LAMP1: variants seen among roughly 807,000 people sequenced by gnomAD.
LAMP1 encodes the protein lysosome-associated membrane glycoprotein 1.
LAMP1 carries 7 observed loss-of-function variants against 37.5 expected under a neutral mutation model. The observed-to-expected ratio is 0.19, with a 90% CI of 0.11 to 0.35. LAMP1 has a LOEUF of 0.35. Ranked by LOEUF, LAMP1 falls within the 10% of genes least tolerant of loss-of-function variation. The pLI, the probability that LAMP1 is intolerant of heterozygous loss-of-function variation, is 1.00. For missense variants in LAMP1, 537 were observed against 552.8 expected, an observed-to-expected ratio of 0.97 and a Z score of 0.29; for synonymous variants, 236 against 229.1, an observed-to-expected ratio of 1.03 and a Z score of -0.27.
chr13:113,317,509 T>C (rs1340953823), intron 4 of LAMP1, among the ~76,000 whole-genome samples: 1 of 152,108 alleles, frequency 6.6e-6, no homozygotes, highest in African/African-American at 2.4e-5. Flanking sequence ...AGAAACAGGG[T>C]GGGAAATGAA....
At chr13:113,301,840 A>G (rs959013443) in intron 1 of LAMP1, among the ~76,000 whole-genome samples, 1 of 147,266 alleles carries the variant, frequency 6.8e-6, no homozygotes, top group African/African-American at 2.5e-5. Context: ...CAAGCCAAGA[A>G]AAACTAAGAT....
intron 2 of LAMP1, 65 bp downstream of exon 2, chr13:113,306,671 A>T (rs1255667775): frequency 3.4e-5 from 54 of 1,565,684 alleles, no homozygotes; most frequent in Non-Finnish European, 4.6e-5. Flanking sequence ...TTAACATTTC[A>T]ACCAAGTCTT....
chr13:113,301,858 C>CTTTTT (rs539321614), intron 1 of LAMP1, among the ~76,000 whole-genome samples: 1 of 74,332 alleles, frequency 1.3e-5, no homozygotes, highest in African/African-American at 5.1e-5. Context: ...GATGTGATTT[C>CTTTTT]TTTTTTTTTT....
intron 4 of LAMP1, among the ~76,000 whole-genome samples, chr13:113,317,505 A>G (rs946452417): frequency 6.6e-6 from 1 of 152,206 alleles, no homozygotes; most frequent in African/African-American, 2.4e-5. Context: ...CTACAGAAAC[A>G]GGGTGGGAAA....
intron 4 of LAMP1, among the ~76,000 whole-genome samples, chr13:113,316,867 C>G (rs2042668197): frequency 6.7e-6 from 1 of 148,170 alleles, no homozygotes; most frequent in African/African-American, 2.5e-5. Flanking sequence ...AACTGAGACT[C>G]TGTCTCAAAA....
intron 4 of LAMP1, among the ~76,000 whole-genome samples, chr13:113,315,172 G>T (rs555690311): frequency 7.0e-6 from 1 of 143,436 alleles, no homozygotes; most frequent in South Asian, 2.2e-4. Context: ...TGCCTGGGGC[G>T]TGGCCTCCCG....
intron 1 of LAMP1, among the ~76,000 whole-genome samples, chr13:113,301,644 AATATATATATAT>A (rs1178393830): frequency 2.6e-4 from 1 of 3,868 alleles, no homozygotes; most frequent in African/African-American, 7.1e-4. Flanking sequence ...AAAAAAAAAA[AATATATATATAT>A]ATATATATAT....
rs1555312330 is a variant in LAMP1, at chr13:113,321,494, G to GC, written c.943+28dup. 6.2e-7 allele frequency: 1 copy of GC among 1,613,464 alleles called. No homozygotes were observed. The highest frequency in any genetic ancestry group is 2.2e-5 in the East Asian group (1 of 44,650). ...AGGTGAGAACCCACAATCTCTGCGA[G>GC]CCCCGCCCCCGCCCGCGCGCCCAGG... On this transcript the variant is annotated intron_variant, in intron 7 of 8. Coordinates refer to ENST00000332556, the MANE Select transcript of LAMP1 (RefSeq NM_005561.4). The surrounding 1 kb of genome is among the most constrained non-coding windows in gnomAD (Gnocchi z 5.6).
intron 1 of LAMP1, among the ~76,000 whole-genome samples, chr13:113,302,992 T>G (rs2042581813): frequency 6.6e-6 from 1 of 152,236 alleles, no homozygotes; most frequent in Non-Finnish European, 1.5e-5. Flanking sequence ...AATGAGATAG[T>G]TTTTGATGTT....
rs2042703226 is a variant in LAMP1 at position 113,321,930 on chromosome 13, T to C, written c.1114+203T>C. ...AGCGTGTCTCTCAGCTGGGAGCCCCTGGTACCATTTGAGAGTAAGGGAATC... is the reference window on the plus strand; with the variant it reads ...AGCGTGTCTCTCAGCTGGGAGCCCCCGGTACCATTTGAGAGTAAGGGAATC... On this transcript the variant is annotated intron_variant, in intron 8 of 8. Coordinates refer to ENST00000332556, the MANE Select transcript of LAMP1 (RefSeq NM_005561.4). This position sits in a 1 kb window ranked among gnomAD's most constrained non-coding sequence, Gnocchi z 5.6. 4.9e-6 allele frequency: 3 copies of C among 607,902 alleles called. No homozygotes were observed. The allele number at this position is 607,902 out of a possible 1,614,324, so 37.7% of individuals were successfully genotyped here.
chr13:113,316,421 ATTTT>A (rs11358802), intron 4 of LAMP1, among the ~76,000 whole-genome samples: 5 of 115,888 alleles, frequency 4.3e-5, no homozygotes, highest in Non-Finnish European at 7.3e-5. Context: ...ATTTGGCATG[ATTTT>A]TTTTTTTTTT....
intron 4 of LAMP1, among the ~76,000 whole-genome samples, chr13:113,318,667 C>G (rs188203689): frequency 1.3e-5 from 2 of 152,192 alleles, no homozygotes; most frequent in Admixed American, 1.3e-4. Context: ...GCTGGGCATT[C>G]CCCAGGGGTG....
At chr13:113,315,131 C>G (rs576147500) in intron 4 of LAMP1, among the ~76,000 whole-genome samples, 52 of 131,444 alleles carry the variant, frequency 4.0e-4, no homozygotes, top group African/African-American at 1.5e-3. Context: ...GGCGTGGCCT[C>G]CTGGAGGGAG....
intron 3 of LAMP1, 94 bp from the exon 4 acceptor site, chr13:113,310,615 G>A (rs2042625397): frequency 1.0e-6 from 1 of 993,914 alleles, no homozygotes; most frequent in East Asian, 2.7e-5. Context: ...ATCAAGACTG[G>A]AATCTATAAC....
In LAMP1 at chr13:113,322,433, C is replaced by T. The variant is rs1281830705; in HGVS notation, c.*12C>T. 6.3e-7 allele frequency: 1 copy of T among 1,599,126 alleles called. No individual in the cohort carries two copies. The highest frequency in any genetic ancestry group is 2.3e-5 in the East Asian group (1 of 44,428). On this transcript the variant is annotated 3_prime_UTR_variant, in exon 9 of 9. Coordinates refer to ENST00000332556, the MANE Select transcript of LAMP1 (RefSeq NM_005561.4). ...ACCAGACTATCTAGCCTGGTGCACG[C>T]AGGCACAGCAGCTGCAGGGGCCTCT...
chr13:113,306,649 G>T (rs368194933), intron 2 of LAMP1, 43 bp downstream of exon 2: 10 of 1,581,892 alleles, frequency 6.3e-6, no homozygotes, highest in South Asian at 4.5e-5. Context: ...TGTGTGTGTG[G>T]AAAGATGATT....
intron 3 of LAMP1, among the ~76,000 whole-genome samples, chr13:113,310,082 A>G (rs1595459852): frequency 6.6e-6 from 1 of 152,134 alleles, no homozygotes; most frequent in East Asian, 1.9e-4. Flanking sequence ...TACTAAAATT[A>G]GCCAGGTGTG....
At chr13:113,319,298 T>A (rs1024963962) in intron 4 of LAMP1, among the ~76,000 whole-genome samples, 171 bp from the exon 5 acceptor site, 1 of 152,238 alleles carries the variant, frequency 6.6e-6, no homozygotes. Flanking sequence ...CCCAGCTCTT[T>A]CCTGCGCGTC....
intron 1 of LAMP1, among the ~76,000 whole-genome samples, chr13:113,302,843 GC>G (rs2042581179): frequency 6.6e-6 from 1 of 152,168 alleles, no homozygotes; most frequent in African/African-American, 2.4e-5. Context: ...CTAGGTCTCC[GC>G]CACTCACTAG....
Sources: allele counts gnomAD v4.1 joint callset (sites outside exome capture counted in the v4.1 genomes callset), GRCh38; gene constraint gnomAD v4.1.1; non-coding constraint Gnocchi (gnomAD v3.1); transcripts MANE v1.5; gene names NCBI Gene and HGNC (gene_info 2026-07-23, HGNC 2026-07-21).